Variants in C1orf21 observed in about 807,000 individuals in gnomAD.
C1orf21 encodes uncharacterized protein C1orf21.
Under a neutral mutation model 18.7 loss-of-function variants are expected in C1orf21, and 3 were observed. The ratio of observed to expected loss-of-function variants is 0.16; its 90% CI spans 0.07 to 0.42. The LOEUF is 0.42. C1orf21 is among the 10% of genes least tolerant of loss of function. C1orf21 has a pLI of 0.99. For missense variants in C1orf21, 104 were observed against 143.6 expected (o/e 0.72, Z 1.41); for synonymous variants, 41 against 46.4 (o/e 0.88, Z 0.47).
chr1:184,532,902 C>T (rs1289476209), intron 3 of C1orf21, among the ~76,000 whole-genome samples: 2 of 152,140 alleles, frequency 1.3e-5, no homozygotes, highest in Admixed American at 6.5e-5. Flanking sequence ...TGAGGTTTGG[C>T]GTCTTCATCC....
intron 5 of C1orf21, among the ~76,000 whole-genome samples, chr1:184,605,210 T>A (rs1659632971): frequency 6.6e-6 from 1 of 152,210 alleles, no homozygotes; most frequent in Non-Finnish European, 1.5e-5. Flanking sequence ...TCCCATTACC[T>A]TTCCATTCAT....
At chr1:184,535,752 G>C (rs1294039640) in intron 3 of C1orf21, among the ~76,000 whole-genome samples, 1 of 152,122 alleles carries the variant, frequency 6.6e-6, no homozygotes, top group Non-Finnish European at 1.5e-5. Flanking sequence ...ACGTTTGAAG[G>C]CTTACTGTTC....
Position 184,613,860 on chromosome 1 carries a change from G to A in C1orf21, c.328-5658G>A, listed in dbSNP as rs556711717. ...AGGACCACTGAGAAGGGAAGAGACT[G>A]TTTCTCCCTAGGGCAACTACAGGGA... On this transcript the variant is annotated intron_variant, in intron 5 of 5. Coordinates refer to ENST00000235307, the MANE Select transcript of C1orf21 (RefSeq NM_030806.4). Among the ~76,000 whole-genome samples the A allele has an allele frequency of 1.4e-4, 21 of 152,176 alleles. No homozygotes were observed. In the South Asian group the frequency reaches 4.2e-3, roughly 30 times the overall value.
intron 1 of C1orf21, among the ~76,000 whole-genome samples, chr1:184,453,908 T>G (rs1390103614): frequency 6.6e-6 from 1 of 152,202 alleles, no homozygotes; most frequent in Non-Finnish European, 1.5e-5. Flanking sequence ...ATATTTACTC[T>G]TTCTTTCCAG....
intron 5 of C1orf21, among the ~76,000 whole-genome samples, chr1:184,614,737 C>T (rs191004865): frequency 1.3e-5 from 2 of 152,344 alleles, no homozygotes; most frequent in African/African-American, 4.8e-5. Context: ...TGGTGGGAGA[C>T]ACTGACAGAT....
intron 5 of C1orf21, among the ~76,000 whole-genome samples, chr1:184,612,513 G>A (rs149706416): frequency 1.3e-5 from 2 of 152,156 alleles, no homozygotes; most frequent in Non-Finnish European, 2.9e-5. Flanking sequence ...ATCAGCTGAG[G>A]TCAGGAGTTT....
chr1:184,584,133 C>CTTTTTT (rs386368968), intron 3 of C1orf21, among the ~76,000 whole-genome samples: 7 of 113,274 alleles, frequency 6.2e-5, no homozygotes, highest in African/African-American at 1.7e-4. Context: ...TGTTCTTCTT[C>CTTTTTT]TTTTTTTTTT....
chr1:184,540,091 T>A (rs1306694194), intron 3 of C1orf21: 2 of 152,190 alleles, frequency 1.3e-5, no homozygotes, highest in Non-Finnish European at 2.9e-5. Flanking sequence ...TAATGAGTGG[T>A]AACATGTCAG....
chr1:184,547,702 CT>C (rs1456668744), intron 3 of C1orf21, among the ~76,000 whole-genome samples: 3 of 152,060 alleles, frequency 2.0e-5, no homozygotes, highest in Admixed American at 6.5e-5. Flanking sequence ...AAATTTTTAG[CT>C]ATCTTAAGTT....
At chr1:184,414,242 C>G (rs1282216035) in intron 1 of C1orf21, among the ~76,000 whole-genome samples, 1 of 152,140 alleles carries the variant, frequency 6.6e-6, no homozygotes, top group Admixed American at 6.5e-5. Flanking sequence ...GCGATCCTCC[C>G]TCTTCAGCCT....
chr1:184,617,006 C>A (rs1659837015), intron 5 of C1orf21, among the ~76,000 whole-genome samples: 1 of 152,142 alleles, frequency 6.6e-6, no homozygotes, highest in Non-Finnish European at 1.5e-5. Flanking sequence ...CACCTGACAG[C>A]CACTAAGGGA....
At chr1:184,569,360 A>G (rs1659078815) in intron 3 of C1orf21, among the ~76,000 whole-genome samples, 1 of 152,228 alleles carries the variant, frequency 6.6e-6, no homozygotes, top group Non-Finnish European at 1.5e-5. Context: ...TCATTAAATG[A>G]AAGTGTGCAC....
chr1:184,387,661 C>A lies in C1orf21; in HGVS notation c.-125+293C>A, dbSNP rs1245200163. ...GCTGGGATGTGGTCGGGGCTGCTGA[C>A]GACTTTCGTCACATCGAGGCCTGGG... On this transcript the variant is annotated intron_variant, in intron 1 of 5. Transcript: ENST00000235307. The surrounding 1 kb of genome is among the most constrained non-coding windows in gnomAD (Gnocchi z 5.6). 6.6e-6 allele frequency among the ~76,000 whole-genome samples: 1 copy of A among 152,138 alleles called. No individual in the cohort carries two copies. The highest frequency in any genetic ancestry group is 6.5e-5 in the Admixed American group (1 of 15,286).
At chr1:184,484,932 T>C (rs1447781680) in intron 2 of C1orf21, among the ~76,000 whole-genome samples, 1 of 150,790 alleles carries the variant, frequency 6.6e-6, no homozygotes. Flanking sequence ...GATGGTGTTA[T>C]GCCAATCTAT....
Position 184,590,822 on chromosome 1 carries a change from T to G in C1orf21, c.266+7T>G, listed in dbSNP as rs568793742. 1.4e-5 allele frequency: 23 copies of G among 1,611,260 alleles called. No homozygotes were observed. Among genetic ancestry groups the G allele is most frequent in the Non-Finnish European group, 2.0e-5 (23 of 1,177,522 alleles). On this transcript the variant is annotated splice_region_variant and intron_variant, in intron 4 of 5. Coordinates refer to ENST00000235307, the MANE Select transcript of C1orf21 (RefSeq NM_030806.4). Reference sequence around the variant, plus strand: ...TTCATCAACCCAGAGCAAAGTAAGTTCTAGTTTCTGTTTTCCTTATATAGT... The same window carrying G: ...TTCATCAACCCAGAGCAAAGTAAGTGCTAGTTTCTGTTTTCCTTATATAGT...
intron 5 of C1orf21, among the ~76,000 whole-genome samples, chr1:184,611,147 G>C (rs564825140): frequency 1.3e-5 from 2 of 152,298 alleles, no homozygotes; most frequent in Admixed American, 6.5e-5. Context: ...GCTCATTAGA[G>C]ACGGAGAAAG....
At chr1:184,431,773 G>GA (rs1468893888) in intron 1 of C1orf21, among the ~76,000 whole-genome samples, 1 of 151,836 alleles carries the variant, frequency 6.6e-6, no homozygotes, top group Admixed American at 6.6e-5. Flanking sequence ...AAATTTACAA[G>GA]AAAAAAACAA....
chr1:184,403,875 C>T (rs1011091000), intron 1 of C1orf21, among the ~76,000 whole-genome samples: 1 of 152,136 alleles, frequency 6.6e-6, no homozygotes, highest in African/African-American at 2.4e-5. Context: ...AATTACATCA[C>T]CAGGTAACAA....
At chr1:184,398,172 T>C (rs1398552421) in intron 1 of C1orf21, among the ~76,000 whole-genome samples, 2 of 152,194 alleles carry the variant, frequency 1.3e-5, no homozygotes, top group East Asian at 3.8e-4. Flanking sequence ...ACAATAGTAA[T>C]AATGAAAGCT....
Sources: allele counts gnomAD v4.1 joint callset (sites outside exome capture counted in the v4.1 genomes callset), GRCh38; gene constraint gnomAD v4.1.1; non-coding constraint Gnocchi (gnomAD v3.1); transcripts MANE v1.5; gene names NCBI Gene and HGNC (gene_info 2026-07-23, HGNC 2026-07-21).